The following CSMD1 variants were observed in gnomAD, a reference collection of about 807,000 sequenced individuals.
The protein encoded by CSMD1 is CUB and Sushi multiple domains 1, also known as CUB and sushi domain-containing protein 1.
A neutral mutation model predicts 417.5 loss-of-function variants in CSMD1; 213 were observed. That is an observed-to-expected ratio of 0.51 (90% CI 0.46 to 0.57). The LOEUF (loss-of-function observed/expected upper bound fraction) is 0.57, where lower values mean the gene tolerates loss of function less well. CSMD1 is among the 20% of genes least tolerant of loss of function. The pLI is 0.00. For synonymous variants in CSMD1, 2,862 were observed against 1,736.8 expected, an observed-to-expected ratio of 1.65 and a Z score of -16.11; for missense variants, 6,923 against 4,529.7, an observed-to-expected ratio of 1.53 and a Z score of -15.17.
intron 5 of CSMD1, among the ~76,000 whole-genome samples, chr8:3,924,909 C>G (rs941459069): frequency 2.6e-5 from 4 of 152,056 alleles, no homozygotes; most frequent in African/African-American, 9.7e-5. Flanking sequence ...TATTTTGGTA[C>G]CATTATATTT....
intron 7 of CSMD1, among the ~76,000 whole-genome samples, chr8:3,688,606 TG>T (rs1269758477): frequency 6.6e-6 from 1 of 152,196 alleles, no homozygotes; most frequent in Admixed American, 6.5e-5. Context: ...AATAAAATAT[TG>T]GGGAAAAGGC....
chr8:3,765,053 C>T (rs1479622361), intron 5 of CSMD1, among the ~76,000 whole-genome samples: 1 of 152,088 alleles, frequency 6.6e-6, no homozygotes, highest in Non-Finnish European at 1.5e-5. Context: ...CTGCACTGCC[C>T]TTTTTTCTAA....
At chr8:4,093,660 A>G (rs1168002693) in intron 3 of CSMD1, among the ~76,000 whole-genome samples, 1 of 152,134 alleles carries the variant, frequency 6.6e-6, no homozygotes, top group Non-Finnish European at 1.5e-5. Context: ...GTGAATTTTA[A>G]AAAGGAAAGC....
At chr8:4,453,595 C>A (rs894348856) in intron 2 of CSMD1, among the ~76,000 whole-genome samples, 1 of 152,096 alleles carries the variant, frequency 6.6e-6, no homozygotes, top group Non-Finnish European at 1.5e-5. Flanking sequence ...AATTGAACTG[C>A]TGTGAATCGA....
intron 4 of CSMD1, among the ~76,000 whole-genome samples, chr8:4,024,545 A>C (rs1474908360): frequency 1.3e-5 from 2 of 152,136 alleles, no homozygotes; most frequent in Non-Finnish European, 2.9e-5. Flanking sequence ...AGGTCAAGTC[A>C]ATTTGAGACT....
At chr8:4,748,088 T>G (rs1265928283) in intron 1 of CSMD1, among the ~76,000 whole-genome samples, 1 of 152,196 alleles carries the variant, frequency 6.6e-6, no homozygotes, top group Non-Finnish European at 1.5e-5. Flanking sequence ...TGTTGAAATA[T>G]GACTGATGAA....
At chr8:3,047,989 T>C (rs555722595) in intron 50 of CSMD1, among the ~76,000 whole-genome samples, 54 of 152,232 alleles carry the variant, frequency 3.5e-4, no homozygotes, top group Non-Finnish European at 6.6e-4. Flanking sequence ...GTTCATTTTG[T>C]CAATCTGTGA....
chr8:4,666,328 A>C (rs917832368), intron 1 of CSMD1, among the ~76,000 whole-genome samples: 6 of 152,230 alleles, frequency 3.9e-5, no homozygotes, highest in Admixed American at 3.9e-4. Flanking sequence ...GGCCCAATAT[A>C]ATCAGAGAGG....
intron 11 of CSMD1, among the ~76,000 whole-genome samples, chr8:3,472,364 G>C (rs1470359165): frequency 1.3e-5 from 2 of 151,966 alleles, no homozygotes; most frequent in Admixed American, 6.6e-5. Flanking sequence ...CCCAATTCTT[G>C]GGGACCTCTA....
chr8:4,296,028 G>A (rs963544255), intron 3 of CSMD1, among the ~76,000 whole-genome samples: 2 of 151,830 alleles, frequency 1.3e-5, no homozygotes, highest in Non-Finnish European at 2.9e-5. Context: ...TCTTAAAAAT[G>A]AAACTGTCTA....
intron 54 of CSMD1, among the ~76,000 whole-genome samples, chr8:2,982,573 A>G (rs763899041): frequency 7.2e-5 from 11 of 152,168 alleles, no homozygotes; most frequent in Non-Finnish European, 1.6e-4. Flanking sequence ...TGCCAGCTCT[A>G]AGAGGGATCA....
chr8:4,406,383 G>T (rs1440530902), intron 3 of CSMD1, among the ~76,000 whole-genome samples: 1 of 152,096 alleles, frequency 6.6e-6, no homozygotes, highest in African/African-American at 2.4e-5. Context: ...GATGATTCAT[G>T]AAACTCAACT....
intron 3 of CSMD1, among the ~76,000 whole-genome samples, chr8:4,233,843 C>A (rs769954025): frequency 1.3e-5 from 2 of 152,016 alleles, no homozygotes; most frequent in East Asian, 3.9e-4. Flanking sequence ...TATTATTTGG[C>A]CATATATAAA....
At chr8:3,961,165 G>C (rs1812297095) in intron 5 of CSMD1, among the ~76,000 whole-genome samples, 2 of 152,076 alleles carry the variant, frequency 1.3e-5, no homozygotes, top group South Asian at 4.1e-4. Flanking sequence ...ATTTCACTAA[G>C]TTATCATTTT....
chr8:3,485,331 G>C (rs1039475030), intron 11 of CSMD1, among the ~76,000 whole-genome samples: 1 of 152,082 alleles, frequency 6.6e-6, no homozygotes, highest in African/African-American at 2.4e-5. Flanking sequence ...TAACATTCTT[G>C]CAATGACAAA....
At chr8:4,804,900 T>C (rs927761768) in intron 1 of CSMD1, among the ~76,000 whole-genome samples, 3 of 152,156 alleles carry the variant, frequency 2.0e-5, no homozygotes, top group African/African-American at 7.2e-5. Context: ...TATGCTTCCC[T>C]AATAAAAGAG....
At chr8:3,194,252 A>T (rs1039873489) in intron 33 of CSMD1, among the ~76,000 whole-genome samples, 2 of 152,164 alleles carry the variant, frequency 1.3e-5, no homozygotes, top group African/African-American at 4.8e-5. Flanking sequence ...TAAAAAGAAG[A>T]AGAAACCAAG....
intron 6 of CSMD1, among the ~76,000 whole-genome samples, chr8:3,738,645 C>T (rs916669871): frequency 6.6e-6 from 1 of 152,142 alleles, no homozygotes; most frequent in African/African-American, 2.4e-5. Context: ...GAAGACATGC[C>T]TTAGACAGGG....
At chr8:3,597,483 AG>A (rs373485235) in intron 8 of CSMD1, among the ~76,000 whole-genome samples, 58 of 152,304 alleles carry the variant, frequency 3.8e-4, no homozygotes, top group African/African-American at 1.3e-3. Context: ...GCTATTAAAT[AG>A]TTGTAAATAA....
Sources: gnomAD v4.1 joint callset for allele counts (sites outside exome capture counted in the v4.1 genomes callset) on GRCh38, gnomAD v4.1.1 for gene constraint, MANE v1.5 for transcripts, NCBI Gene and HGNC (gene_info 2026-07-23, HGNC 2026-07-21) for gene names.